The following CPQ variants were observed in gnomAD, a reference collection of about 807,000 sequenced individuals.
The protein encoded by CPQ is Ser-Met dipeptidase.
In CPQ, 37 loss-of-function variants were observed where a neutral mutation model predicts 45.7. The ratio of observed to expected loss-of-function variants is 0.81; its 90% confidence interval spans 0.62 to 1.07. The LOEUF is 1.07. CPQ is among the 50% of genes least tolerant of loss of function. The pLI, the probability that CPQ is intolerant of heterozygous loss-of-function variation, is 0.00. For missense variants in CPQ, 537 were observed against 572.9 expected (o/e 0.94, Z 0.64); for synonymous variants, 186 against 205.8 (o/e 0.90, Z 0.82).
intron 7 of CPQ, among the ~76,000 whole-genome samples, chr8:97,135,929 G>C (rs972318689): frequency 2.0e-5 from 3 of 152,192 alleles, no homozygotes; most frequent in Non-Finnish European, 2.9e-5. Flanking sequence ...ATATGAATGA[G>C]AGTCAACCTA....
intron 7 of CPQ, among the ~76,000 whole-genome samples, chr8:97,109,694 C>T (rs993385811): frequency 6.6e-6 from 1 of 151,794 alleles, no homozygotes; most frequent in Non-Finnish European, 1.5e-5. Context: ...AATGATTATT[C>T]CCCTTCTCTT....
At chr8:96,979,935 A>C (rs1813860042) in intron 5 of CPQ, among the ~76,000 whole-genome samples, 4 of 152,108 alleles carry the variant, frequency 2.6e-5, no homozygotes, top group South Asian at 4.1e-4. Context: ...TTCAGACTAC[A>C]TGTGACCCAG....
chr8:96,686,910 C>A (rs181031328), intron 1 of CPQ, among the ~76,000 whole-genome samples: 1 of 152,024 alleles, frequency 6.6e-6, no homozygotes, highest in Non-Finnish European at 1.5e-5. Flanking sequence ...GATGTGATTT[C>A]TTAGAAAAGC....
chr8:96,783,830 C>T (rs935791762), intron 1 of CPQ, among the ~76,000 whole-genome samples: 8 of 152,106 alleles, frequency 5.3e-5, no homozygotes, highest in South Asian at 2.1e-4. Context: ...ATTGAAGTGA[C>T]CATATGAGAC....
At chr8:97,003,052 A>T (rs1235297753) in intron 5 of CPQ, among the ~76,000 whole-genome samples, 1 of 152,034 alleles carries the variant, frequency 6.6e-6, no homozygotes, top group Non-Finnish European at 1.5e-5. Flanking sequence ...TGTTGGTTTA[A>T]AGTCTCCTTC....
chr8:96,959,922 G>A (rs575134312), intron 4 of CPQ, among the ~76,000 whole-genome samples: 7 of 143,790 alleles, frequency 4.9e-5, no homozygotes, highest in East Asian at 2.1e-4. Context: ...CAAAAACACC[G>A]AGTAGCTGTC....
At chr8:96,937,704 G>A (rs997366801) in intron 4 of CPQ, among the ~76,000 whole-genome samples, 9 of 152,118 alleles carry the variant, frequency 5.9e-5, no homozygotes, top group African/African-American at 1.9e-4. Context: ...GCCTATACCC[G>A]CAGTCAATTG....
chr8:97,123,168 AAAAT>A (rs1469868776), intron 7 of CPQ, among the ~76,000 whole-genome samples: 1 of 108,794 alleles, frequency 9.2e-6, no homozygotes, highest in African/African-American at 4.1e-5. Context: ...AAAATAAAAT[AAAAT>A]AAAATATAAA....
intron 6 of CPQ, among the ~76,000 whole-genome samples, chr8:97,045,190 G>T (rs915166208): frequency 6.6e-6 from 1 of 152,206 alleles, no homozygotes; most frequent in Admixed American, 6.5e-5. Flanking sequence ...CCTGGGCAAT[G>T]GTGGGCGCCC....
At chr8:96,678,121 G>T (rs933555252) in intron 1 of CPQ, among the ~76,000 whole-genome samples, 2 of 151,996 alleles carry the variant, frequency 1.3e-5, no homozygotes, top group South Asian at 2.1e-4. Flanking sequence ...TTCCAGATTT[G>T]TTCTTTTTGC....
intron 2 of CPQ, among the ~76,000 whole-genome samples, chr8:96,801,121 G>A (rs563915153): frequency 9.2e-5 from 14 of 151,896 alleles, no homozygotes; most frequent in South Asian, 6.3e-4. Flanking sequence ...GATTACAGGC[G>A]TACACCACAA....
chr8:96,936,812 G>T (rs1048907971), intron 4 of CPQ, among the ~76,000 whole-genome samples: 1 of 152,148 alleles, frequency 6.6e-6, no homozygotes, highest in Non-Finnish European at 1.5e-5. Flanking sequence ...GTGGAGAGAA[G>T]GTTCTCAGTA....
chr8:96,900,286 G>C (rs1812498375), intron 4 of CPQ, among the ~76,000 whole-genome samples: 1 of 152,150 alleles, frequency 6.6e-6, no homozygotes, highest in Non-Finnish European at 1.5e-5. Context: ...AGAAGGAATG[G>C]GTTGAGATGG....
In CPQ at chr8:96,908,747, G is replaced by GCGCGCGCACACACACA. The variant is rs149476038; in HGVS notation, c.849+28743_849+28744insGCGCGCACACACACAC. On this transcript the variant is annotated intron_variant, in intron 4 of 7. Coordinates refer to ENST00000220763, the MANE Select transcript of CPQ (RefSeq NM_016134.4). ...TCTCTTTTCAGTTTTATACACATGC[G>GCGCGCGCACACACACA]CACACACACACACACACACACACAC... Among the ~76,000 whole-genome samples, 1,290 of 140,996 alleles carry GCGCGCGCACACACACA rather than the reference G, an allele frequency of 9.1e-3. 19 individuals are homozygous for GCGCGCGCACACACACA. The highest frequency in any genetic ancestry group is 0.031 in the African/African-American group (1,196 of 38,690). The allele number at this position is 140,996 out of a possible 152,430, so 92.5% of individuals were successfully genotyped here.
chr8:97,007,863 T>C (rs1258074866), intron 5 of CPQ, among the ~76,000 whole-genome samples: 1 of 152,178 alleles, frequency 6.6e-6, no homozygotes, highest in Non-Finnish European at 1.5e-5. Flanking sequence ...ATAAATCTTA[T>C]TTATTTAACA....
chr8:96,847,894 T>C (rs1392258683), intron 3 of CPQ, among the ~76,000 whole-genome samples: 1 of 44,876 alleles, frequency 2.2e-5, no homozygotes, highest in Non-Finnish European at 5.4e-5. Context: ...TGAAAAGAGC[T>C]TTTTTTTTTT....
intron 3 of CPQ, among the ~76,000 whole-genome samples, chr8:96,849,747 T>C (rs1465305342): frequency 6.6e-6 from 1 of 152,062 alleles, no homozygotes; most frequent in Admixed American, 6.6e-5. Flanking sequence ...CACCATCACT[T>C]CTCTATGTTT....
chr8:96,679,518 T>A (rs556926216), intron 1 of CPQ, among the ~76,000 whole-genome samples: 7 of 152,230 alleles, frequency 4.6e-5, no homozygotes, highest in Admixed American at 4.6e-4. Flanking sequence ...TCTTCATGAG[T>A]TTAGTAGAAT....
rs1200435968 is a variant in CPQ, at chr8:96,645,364, G to C, written c.-73G>C. ...GGCTAGGCCGCGAGCTTAGTCCTGG[G>C]AGCCGCCTCCGTCGCCGCCGTCAGA... is the stretch of plus-strand genomic sequence containing the variant. On this transcript the variant is annotated 5_prime_UTR_variant, in exon 1 of 8. Coordinates refer to ENST00000220763, the MANE Select transcript of CPQ (RefSeq NM_016134.4). 2 of 152,706 alleles carry C rather than the reference G, an allele frequency of 1.3e-5. No individual in the cohort carries two copies. The highest frequency in any genetic ancestry group is 2.9e-5 in the Non-Finnish European group (2 of 68,450). 9.5% of individuals were successfully genotyped at this position (152,706 alleles called of 1,614,324 possible).
Sources: allele counts gnomAD v4.1 joint callset (sites outside exome capture counted in the v4.1 genomes callset), GRCh38; gene constraint gnomAD v4.1.1; transcripts MANE v1.5; gene names NCBI Gene and HGNC (gene_info 2026-07-23, HGNC 2026-07-21).